Variants in CADM2 observed in about 807,000 individuals in gnomAD.
CADM2 encodes the protein cell adhesion molecule 2, also known as immunoglobulin superfamily member 4D.
Under a neutral mutation model 49.8 loss-of-function variants are expected in CADM2, and 12 were observed. That is an observed-to-expected ratio of 0.24 (90% CI 0.15 to 0.39). The LOEUF (loss-of-function observed/expected upper bound fraction) is 0.39. CADM2 is among the 10% of genes least tolerant of loss of function. CADM2 has a pLI of 1.00. For synonymous variants in CADM2, 214 were observed against 175.4 expected, an observed-to-expected ratio of 1.22 and a Z score of -1.74; for missense variants, 378 against 492.3, an observed-to-expected ratio of 0.77 and a Z score of 2.20.
intron 8 of CADM2, among the ~76,000 whole-genome samples, chr3:85,990,793 C>G (rs1210536133): frequency 5.3e-5 from 8 of 152,110 alleles, no homozygotes; most frequent in Non-Finnish European, 5.9e-5. Flanking sequence ...TGAAATCTAT[C>G]GTAGATAGAC....
At chr3:85,639,353 A>G (rs1052571939) in intron 1 of CADM2, among the ~76,000 whole-genome samples, 2 of 152,208 alleles carry the variant, frequency 1.3e-5, no homozygotes, top group Non-Finnish European at 2.9e-5. Context: ...ATTGCATCGC[A>G]CACTATGCTC....
At chr3:85,530,322 GTTTTTTTT>G (rs57504567) in intron 1 of CADM2, among the ~76,000 whole-genome samples, 1 of 31,256 alleles carries the variant, frequency 3.2e-5, no homozygotes, top group African/African-American at 7.2e-5. Context: ...TCTTTTCTCC[GTTTTTTTT>G]TTTTTTTTTT....
rs191467727 is a variant in CADM2 at position 85,659,537 on chromosome 3, A to T, written c.62-66985A>T. Among the ~76,000 whole-genome samples, 10 of 152,278 alleles carry T rather than the reference A, an allele frequency of 6.6e-5. No homozygotes were observed. In the East Asian group the frequency reaches 1.9e-3, roughly 29 times the overall value. On this transcript the variant is annotated intron_variant, in intron 1 of 9. Coordinates refer to ENST00000383699, the MANE Select transcript of CADM2 (RefSeq NM_001167675.2). Reference sequence around the variant, plus strand: ...AGTAATCTGCAAAATACAAGGGGGAACATTGTCTCAGGAAAGCAGGCTATT... The same window carrying T: ...AGTAATCTGCAAAATACAAGGGGGATCATTGTCTCAGGAAAGCAGGCTATT...
chr3:85,985,951 T>A (rs988275296), intron 8 of CADM2, among the ~76,000 whole-genome samples: 3 of 152,058 alleles, frequency 2.0e-5, no homozygotes, highest in Admixed American at 1.3e-4. Flanking sequence ...CGAAAGAGTT[T>A]CATTTATATT....
chr3:86,066,332 C>CAA lies in CADM2; in HGVS notation c.1097-308_1097-307dup, dbSNP rs10663610. Among the ~76,000 whole-genome samples the CAA allele has an allele frequency of 6.6e-4, 20 of 30,324 alleles. 4 individuals carry two copies. Among genetic ancestry groups the CAA allele is most frequent in the Middle Eastern group, 0.033 (1 of 30 alleles). 19.9% of individuals were successfully genotyped at this position (30,324 alleles called of 152,430 possible). Reference sequence around the variant, plus strand: ...TGGGCGAGAGAGCGAGACTCCGTCTCAAAAAAAAAAAAAAAAAAAAAAAAA... The same window carrying CAA: ...TGGGCGAGAGAGCGAGACTCCGTCTCAAAAAAAAAAAAAAAAAAAAAAAAAAA... On this transcript the variant is annotated intron_variant, in intron 9 of 9. Coordinates refer to ENST00000383699, the MANE Select transcript of CADM2 (RefSeq NM_001167675.2).
intron 8 of CADM2, among the ~76,000 whole-genome samples, chr3:85,989,936 C>T (rs1292319258): frequency 3.4e-5 from 4 of 117,518 alleles, no homozygotes; most frequent in Admixed American, 9.7e-5. Flanking sequence ...TCGCTTGACC[C>T]GGGAAGGGGA....
chr3:85,310,416 T>C (rs1373167458), intron 1 of CADM2, among the ~76,000 whole-genome samples: 1 of 152,148 alleles, frequency 6.6e-6, no homozygotes, highest in African/African-American at 2.4e-5. Flanking sequence ...GAAGATCTTA[T>C]GAGGGGCAGG....
intron 1 of CADM2, among the ~76,000 whole-genome samples, chr3:85,640,048 C>T (rs1371518049): frequency 1.3e-5 from 2 of 152,090 alleles, no homozygotes; most frequent in African/African-American, 2.4e-5. Context: ...TACTGAGTGC[C>T]GAGCAGATAT....
chr3:85,045,176 G>C (rs1270115552), intron 1 of CADM2, among the ~76,000 whole-genome samples: 1 of 152,000 alleles, frequency 6.6e-6, no homozygotes, highest in Non-Finnish European at 1.5e-5. Context: ...TTAACTCGTT[G>C]GACACTGGAG....
chr3:86,042,388 A>G (rs1736063313), intron 8 of CADM2, among the ~76,000 whole-genome samples: 1 of 152,210 alleles, frequency 6.6e-6, no homozygotes, highest in Non-Finnish European at 1.5e-5. Context: ...AAAAAATGAT[A>G]AAGGGGATAT....
chr3:85,396,105 T>C (rs1454039017), intron 1 of CADM2, among the ~76,000 whole-genome samples: 10 of 151,378 alleles, frequency 6.6e-5, no homozygotes, highest in Admixed American at 5.3e-4. Flanking sequence ...GAAAGTCTAA[T>C]GTTTCAAAAT....
intron 7 of CADM2, among the ~76,000 whole-genome samples, chr3:85,948,036 G>A (rs139957199): frequency 5.9e-5 from 9 of 151,474 alleles, no homozygotes; most frequent in African/African-American, 1.4e-4. Flanking sequence ...TGTCATATAC[G>A]TTTAGTAGAT....
chr3:85,844,111 T>C (rs1293528810), intron 3 of CADM2, among the ~76,000 whole-genome samples: 1 of 152,038 alleles, frequency 6.6e-6, no homozygotes, highest in Non-Finnish European at 1.5e-5. Context: ...AGATAATAAT[T>C]TTAATAATAT....
intron 8 of CADM2, among the ~76,000 whole-genome samples, chr3:86,033,645 C>G (rs1734802031): frequency 6.8e-6 from 1 of 146,470 alleles, no homozygotes; most frequent in Non-Finnish European, 1.5e-5. Context: ...GGCTTCTGAT[C>G]CACTTCATTT....
chr3:85,277,148 T>C (rs1170323597), intron 1 of CADM2, among the ~76,000 whole-genome samples: 2 of 151,296 alleles, frequency 1.3e-5, no homozygotes, highest in East Asian at 1.9e-4. Context: ...GATGATTATG[T>C]TTTTAAAAAA....
intron 1 of CADM2, among the ~76,000 whole-genome samples, chr3:85,203,985 A>G (rs916203947): frequency 3.9e-5 from 6 of 152,230 alleles, no homozygotes; most frequent in Non-Finnish European, 5.9e-5. Context: ...AAGTTTTGAT[A>G]CTTTCACTGA....
intron 1 of CADM2, among the ~76,000 whole-genome samples, chr3:85,455,067 A>T (rs2037930128): frequency 6.6e-6 from 1 of 152,204 alleles, no homozygotes; most frequent in South Asian, 2.1e-4. Flanking sequence ...TATCCTACAA[A>T]TATCTGTAAC....
intron 1 of CADM2, among the ~76,000 whole-genome samples, chr3:85,654,538 G>A (rs992177879): frequency 6.6e-6 from 1 of 152,116 alleles, no homozygotes; most frequent in Non-Finnish European, 1.5e-5. Flanking sequence ...TTGTCAGCCA[G>A]GAAAGAATAA....
intron 1 of CADM2, among the ~76,000 whole-genome samples, chr3:85,650,540 A>G (rs141816694): frequency 1.3e-5 from 2 of 151,380 alleles, no homozygotes; most frequent in African/African-American, 4.8e-5. Context: ...AGAAATGCCA[A>G]AATGCTAAAT....
Sources: allele counts gnomAD v4.1 joint callset (sites outside exome capture counted in the v4.1 genomes callset), GRCh38; gene constraint gnomAD v4.1.1; transcripts MANE v1.5; gene names NCBI Gene and HGNC (gene_info 2026-07-23, HGNC 2026-07-21).